GAS2L3: variants seen among roughly 807,000 people sequenced by gnomAD.
GAS2L3 encodes growth arrest specific 2 like 3, also known as GAS2-like protein 3.
A neutral mutation model predicts 37.0 loss-of-function variants in GAS2L3; 28 were observed. The ratio of observed to expected loss-of-function variants is 0.76; its 90% CI spans 0.56 to 1.04. GAS2L3 has a LOEUF of 1.04. Among genes scored for constraint, GAS2L3 ranks in the 50% least tolerant of loss-of-function variants. The pLI is 0.00. For missense variants in GAS2L3, 793 were observed against 817.6 expected, an observed-to-expected ratio of 0.97 and a Z score of 0.37; for synonymous variants, 290 against 296.6, an observed-to-expected ratio of 0.98 and a Z score of 0.23.
Position 100,624,429 on chromosome 12 carries a change from G to A in GAS2L3, c.1624G>A (p.Gly542Arg), listed in dbSNP as rs768241438. The A allele has an allele frequency of 1.2e-6, 2 of 1,613,960 alleles. No homozygotes were observed. The highest frequency in any genetic ancestry group is 1.6e-4 in the Middle Eastern group (1 of 6,062). The part of the protein sequence containing the change: ...GLGTQSQPSD[G>R]APQAKPVPAQ... ...AGGAACACAGTCTCAACCATCCGAT[G>A]GAGCCCCACAAGCAAAGCCAGTCCC... The change falls in exon 10 of 10, where the codon GGA (glycine) becomes AGA (arginine). Residue 542 changes from glycine to arginine, a missense_variant. Coordinates refer to ENST00000547754, the MANE Select transcript of GAS2L3 (RefSeq NM_174942.3).
At chr12:100,583,849 C>T (rs1277818999) in intron 1 of GAS2L3, among the ~76,000 whole-genome samples, 6 of 152,244 alleles carry the variant, frequency 3.9e-5, no homozygotes, top group East Asian at 3.9e-4. Context: ...AATCACTGTA[C>T]ATATTTTACC....
chr12:100,574,775 A>C (rs1022866744), intron 1 of GAS2L3, among the ~76,000 whole-genome samples: 1 of 152,204 alleles, frequency 6.6e-6, no homozygotes, highest in African/African-American at 2.4e-5. Context: ...TTGGCACTTA[A>C]ATGATTAGAA....
At position 100,625,488 on chromosome 12, in the gene GAS2L3, AGGAACTGATTGTTTCATGT is replaced by A. The variant is rs1231226845; in HGVS notation, c.*601_*619del. The A allele has an allele frequency of 1.5e-3, 232 of 152,306 alleles. No individual in the cohort carries two copies. Among genetic ancestry groups the A allele is most frequent in the African/African-American group, 5.4e-3 (226 of 41,570 alleles). The allele number at this position is 152,306 out of a possible 1,614,324, so 9.4% of individuals were successfully genotyped here. ...ATTTTTTTAAGCTTTCCAAATTGGA[AGGAACTGATTGTTTCATGT>A]GGCTTATATTTACATTGGTAATATT... On this transcript the variant is annotated 3_prime_UTR_variant, in exon 10 of 10. Transcript: ENST00000547754.
At chr12:100,606,812 T>C (rs1007974798) in intron 5 of GAS2L3, among the ~76,000 whole-genome samples, 1 of 152,130 alleles carries the variant, frequency 6.6e-6, no homozygotes, top group African/African-American at 2.4e-5. Flanking sequence ...TTGTTTTTCT[T>C]TATGTCTTAT....
chr12:100,602,273 T>G (rs997644350), intron 5 of GAS2L3, among the ~76,000 whole-genome samples: 1 of 152,122 alleles, frequency 6.6e-6, no homozygotes, highest in Non-Finnish European at 1.5e-5. Flanking sequence ...GGATAAATAA[T>G]ACATTTTTTA....
intron 6 of GAS2L3, among the ~76,000 whole-genome samples, chr12:100,614,034 T>C (rs1593184243): frequency 6.6e-6 from 1 of 152,326 alleles, no homozygotes; most frequent in East Asian, 1.9e-4. Context: ...CCACAACTAC[T>C]ATATCATTGC....
chr12:100,622,218 C>T, intron 8 of GAS2L3, 57 bp from the exon 9 acceptor site: 1 of 989,140 alleles, frequency 1.0e-6, no homozygotes, highest in East Asian at 2.4e-5. Context: ...TAATATTACA[C>T]TTTAAACAAA....
At chr12:100,582,671 C>CA (rs932725416) in intron 1 of GAS2L3, among the ~76,000 whole-genome samples, 10 of 152,154 alleles carry the variant, frequency 6.6e-5, no homozygotes, top group East Asian at 1.9e-4. Context: ...ACCAGAATGA[C>CA]AAAAAAACCC....
In GAS2L3 at chr12:100,616,785, C is replaced by T. The variant is rs183615602; in HGVS notation, c.446-959C>T. On this transcript the variant is annotated intron_variant, in intron 6 of 9. Transcript: ENST00000547754. The stretch of plus-strand genomic sequence containing the variant: ...TTAATAGAGGTAGTTTTCCTTCTTC[C>T]TTTCTAGTCTATATATGATTTATTT... 8.7e-4 allele frequency among the ~76,000 whole-genome samples: 133 copies of T among 152,194 alleles called. 1 individual carries two copies. The highest frequency in any genetic ancestry group is 7.5e-3 in the Admixed American group (115 of 15,272).
At chr12:100,587,621 C>T (rs899139479) in intron 1 of GAS2L3, among the ~76,000 whole-genome samples, 2 of 152,162 alleles carry the variant, frequency 1.3e-5, no homozygotes, top group Non-Finnish European at 2.9e-5. Context: ...AACCCACATC[C>T]AACGTAATGC....
In GAS2L3 at chr12:100,623,562, A is replaced by G; in HGVS notation, c.757A>G (p.Met253Val). The change falls in exon 10 of 10, where the codon ATG becomes GTG. Residue 253 changes from methionine (M) to valine (V), a missense_variant and splice_region_variant. Coordinates refer to ENST00000547754, the MANE Select transcript of GAS2L3 (RefSeq NM_174942.3). ...ACTTTTTGTTTTCCTTTGGGGGCAG[A>G]TGCTTCATGGAAAACATGTCATGGT... Reference protein sequence around the residue: ...RLGDKILFIRMLHGKHVMVRV... With the variant: ...RLGDKILFIRVLHGKHVMVRV... The G allele has an allele frequency of 6.3e-7, 1 of 1,591,804 alleles. No homozygotes were observed. Among genetic ancestry groups the G allele is most frequent in the Non-Finnish European group, 8.5e-7 (1 of 1,170,736 alleles).
intron 6 of GAS2L3, among the ~76,000 whole-genome samples, chr12:100,616,939 T>A (rs1252490072): frequency 1.3e-5 from 2 of 152,152 alleles, no homozygotes; most frequent in Non-Finnish European, 2.9e-5. Context: ...TTAAGAATGA[T>A]AATGGTTGTG....
intron 1 of GAS2L3, chr12:100,579,616 A>C: frequency 1.3e-6 from 1 of 775,828 alleles, no homozygotes; most frequent in Non-Finnish European, 2.4e-6. Flanking sequence ...GCTTTAGAAC[A>C]CAAGAATGTT....
chr12:100,608,327 A>ACAC (rs1239339905), intron 5 of GAS2L3, among the ~76,000 whole-genome samples: 1 of 152,026 alleles, frequency 6.6e-6, no homozygotes, highest in African/African-American at 2.4e-5. Context: ...GCACTGTTTC[A>ACAC]CACCTGAAGG....
intron 1 of GAS2L3, among the ~76,000 whole-genome samples, chr12:100,581,070 T>C (rs913178645): frequency 6.6e-6 from 1 of 152,226 alleles, no homozygotes. Context: ...TCACTGTTGA[T>C]AGTGCAGAGA....
intron 5 of GAS2L3, among the ~76,000 whole-genome samples, 194 bp from the exon 6 acceptor site, chr12:100,611,806 G>C (rs1045796793): frequency 2.0e-5 from 3 of 152,094 alleles, no homozygotes. Context: ...ACCGGTACCA[G>C]TCTGTGGCCC....
intron 1 of GAS2L3, among the ~76,000 whole-genome samples, chr12:100,580,527 A>C (rs1201690756): frequency 2.6e-5 from 4 of 152,062 alleles, no homozygotes; most frequent in Non-Finnish European, 5.9e-5. Context: ...AGGGCCAAAC[A>C]TTTTCTGGGC....
At chr12:100,582,875 A>G (rs542001173) in intron 1 of GAS2L3, among the ~76,000 whole-genome samples, 139 of 152,220 alleles carry the variant, frequency 9.1e-4, no homozygotes, top group African/African-American at 3.2e-3. Flanking sequence ...TTCCGCTGAC[A>G]CCTGCATATT....
intron 1 of GAS2L3, among the ~76,000 whole-genome samples, chr12:100,577,805 G>C (rs889195933): frequency 6.6e-6 from 1 of 152,232 alleles, no homozygotes. Flanking sequence ...AGACAGGTAA[G>C]AGTGAGTCTG....
Sources: gnomAD v4.1 joint callset for allele counts (sites outside exome capture counted in the v4.1 genomes callset) on GRCh38, gnomAD v4.1.1 for gene constraint, MANE v1.5 for transcripts, NCBI Gene and HGNC (gene_info 2026-07-23, HGNC 2026-07-21) for gene names.